Variants in ATP2C1 observed in about 807,000 individuals in gnomAD.
ATP2C1 encodes calcium-transporting ATPase type 2C member 1.
In ATP2C1, 31 loss-of-function variants were observed where a neutral mutation model predicts 120.5. The ratio of observed to expected loss-of-function variants is 0.26; its 90% CI spans 0.19 to 0.35. ATP2C1 has a LOEUF of 0.35. Ranked by LOEUF, ATP2C1 falls within the 10% of genes least tolerant of loss-of-function variation. The pLI, the probability that ATP2C1 is intolerant of heterozygous loss-of-function variation, is 1.00. For synonymous variants in ATP2C1, 351 were observed against 358.7 expected, an observed-to-expected ratio of 0.98 and a Z score of 0.24; for missense variants, 731 against 1,107.5, an observed-to-expected ratio of 0.66 and a Z score of 4.83.
Position 130,996,800 on chromosome 3 carries a change from C to A in ATP2C1, c.2243+4C>A, listed in dbSNP as rs771509642. ...TGGATGGACCCCCAGCTCAGAGGTACGAGTTTTTTAATTGCATGAGCTGGA... is the reference window on the plus strand; with the variant it reads ...TGGATGGACCCCCAGCTCAGAGGTAAGAGTTTTTTAATTGCATGAGCTGGA... On this transcript the variant is annotated splice_donor_region_variant and intron_variant, in intron 24 of 27. Coordinates refer to ENST00000510168, the MANE Select transcript of ATP2C1 (RefSeq NM_001378687.1). 6.4e-7 allele frequency: 1 copy of A among 1,572,378 alleles called. No homozygotes were observed. The highest frequency in any genetic ancestry group is 1.7e-5 in the Admixed American group (1 of 59,936).
chr3:130,870,147 T>C (rs1384797433), intron 1 of ATP2C1, among the ~76,000 whole-genome samples: 2 of 152,192 alleles, frequency 1.3e-5, no homozygotes, highest in African/African-American at 4.8e-5. Flanking sequence ...TTACTGAATA[T>C]TTTAAGCCCA....
At position 130,988,354 on chromosome 3, in the gene ATP2C1, G is replaced by A. The variant is rs530271494; in HGVS notation, c.1840-4597G>A. 3.1e-3 allele frequency among the ~76,000 whole-genome samples: 479 copies of A among 152,164 alleles called. 1 individual carries two copies. Among genetic ancestry groups the A allele is most frequent in the Non-Finnish European group, 4.8e-3 (328 of 68,014 alleles). ...TGACCACAAATGTGACACTGAAAAG[G>A]AGGACTCATAAGAAGAGAAAAATAC... On this transcript the variant is annotated intron_variant, in intron 20 of 27. Coordinates refer to ENST00000510168, the MANE Select transcript of ATP2C1 (RefSeq NM_001378687.1).
intron 21 of ATP2C1, among the ~76,000 whole-genome samples, 170 bp downstream of exon 21, chr3:130,993,171 AG>A (rs1577023607): frequency 6.6e-6 from 1 of 152,046 alleles, no homozygotes; most frequent in Non-Finnish European, 1.5e-5. Context: ...TAGAGAATTT[AG>A]TTGGCATAAG....
chr3:130,927,019 A>G (rs184174355), intron 2 of ATP2C1, among the ~76,000 whole-genome samples: 437 of 152,312 alleles, frequency 2.9e-3, no homozygotes, highest in Non-Finnish European at 4.6e-3. Flanking sequence ...TCTGCTTGCC[A>G]CATCAGATCC....
rs965008419 is a variant in ATP2C1 at position 130,949,605 on chromosome 3, AATGTAG to A, written c.532-4212_532-4207del. On this transcript the variant is annotated intron_variant, in intron 8 of 27. Transcript: ENST00000510168. The stretch of plus-strand genomic sequence containing the variant: ...GAAGGTGGTTGTACCGAACATTTTC[AATGTAG>A]ATGAAACAGCTGTATCTTCTGAATA... 2.6e-5 allele frequency among the ~76,000 whole-genome samples: 4 copies of A among 152,150 alleles called. No homozygotes were observed. The South Asian group carries it at 8.3e-4, about 31-fold the overall frequency.
At position 131,001,306 on chromosome 3, in the gene ATP2C1, C is replaced by T. The variant is rs1288807465; in HGVS notation, c.2716C>T (p.Gln906Ter). The change falls in exon 28 of 28, where the codon CAG becomes TAG. Residue 906 changes from glutamine to a stop codon, truncating the protein, a stop_gained. Transcript: ENST00000510168. LOFTEE classifies it high-confidence loss of function. ...KKVERSREKI[Q>*]KHVSSTSSSF... ...GGTTGAAAGGAGCAGGGAAAAGATCCAGAAGCATGTTAGTTCGACATCATC... is the reference window on the plus strand; with the variant it reads ...GGTTGAAAGGAGCAGGGAAAAGATCTAGAAGCATGTTAGTTCGACATCATC... 3.1e-6 allele frequency: 5 copies of T among 1,613,514 alleles called. No homozygotes were observed. The highest frequency in any genetic ancestry group is 4.2e-6 in the Non-Finnish European group (5 of 1,179,648).
intron 1 of ATP2C1, chr3:130,856,217 C>A (rs1204158340): frequency 6.6e-6 from 1 of 151,930 alleles, no homozygotes; most frequent in Non-Finnish European, 1.5e-5. Context: ...AATTTTTTTT[C>A]TTTGCTGCTC....
chr3:131,014,384 C>A (rs746780624), intron 26 of ATP2C1: 6 of 1,576,522 alleles, frequency 3.8e-6, no homozygotes, highest in Non-Finnish European at 5.1e-6. Context: ...TTCCACTGTA[C>A]AGTCTGTTCA....
intron 17 of ATP2C1, among the ~76,000 whole-genome samples, chr3:130,973,949 GA>G (rs1169737735): frequency 2.0e-5 from 3 of 152,134 alleles, no homozygotes; most frequent in Admixed American, 2.0e-4. Context: ...AGACTTAAAA[GA>G]CTTAAAATTC....
chr3:130,891,206 G>T (rs1449098581), upstream of ATP2C1, among the ~76,000 whole-genome samples: 17 of 152,116 alleles, frequency 1.1e-4, no homozygotes, highest in Admixed American at 1.0e-3. Flanking sequence ...TTTAAAAGAA[G>T]ACATTAATTA....
intron 20 of ATP2C1, among the ~76,000 whole-genome samples, chr3:130,985,749 G>A (rs2061979311): frequency 6.6e-6 from 1 of 151,168 alleles, no homozygotes; most frequent in Non-Finnish European, 1.5e-5. Context: ...ATGATGGACA[G>A]TTGCATGGAG....
chr3:131,002,972 C>G lies in ATP2C1; in HGVS notation c.*1622C>G, dbSNP rs1025019963. ...AACTCTATCATTAGTGACTTGATGT[C>G]TCATACCTTAATTTTGTAATGATTT... On this transcript the variant is annotated 3_prime_UTR_variant, in exon 28 of 28. Transcript: ENST00000510168. 1.0e-6 allele frequency: 1 copy of G among 985,436 alleles called. No individual in the cohort carries two copies. Among genetic ancestry groups the G allele is most frequent in the Non-Finnish European group, 1.2e-6 (1 of 829,700 alleles). 61.0% of individuals were successfully genotyped at this position (985,436 alleles called of 1,614,324 possible).
Position 130,967,157 on chromosome 3 carries a change from G to A in ATP2C1, c.1135G>A (p.Gly379Ser). Residue 379 changes from glycine to serine, a missense_variant, in exon 15 of 28, where the codon GGC becomes AGC. Transcript: ENST00000510168. ...DGLHAEVTGV[G>S]YNQFGEVIVD... ...TTGTGATCTTTAGGTTACTGGAGTT[G>A]GCTATAATCAATTTGGGGAAGTGAT... 6.2e-7 allele frequency: 1 copy of A among 1,612,946 alleles called. No individual in the cohort carries two copies. Among genetic ancestry groups the A allele is most frequent in the East Asian group, 2.2e-5 (1 of 44,846 alleles).
intron 1 of ATP2C1, among the ~76,000 whole-genome samples, chr3:130,862,012 C>T (rs779200794): frequency 4.1e-4 from 63 of 152,018 alleles, no homozygotes; most frequent in Non-Finnish European, 8.1e-4. Flanking sequence ...TTCGCTCTGT[C>T]GCCCAGGCTG....
intron 8 of ATP2C1, among the ~76,000 whole-genome samples, chr3:130,944,074 T>C (rs948250651): frequency 6.6e-6 from 1 of 152,222 alleles, no homozygotes; most frequent in Non-Finnish European, 1.5e-5. Flanking sequence ...ATATCACTAA[T>C]TTCTTCCAAA....
intron 1 of ATP2C1, among the ~76,000 whole-genome samples, chr3:130,885,248 C>G (rs888692196): frequency 1.3e-5 from 2 of 152,128 alleles, no homozygotes; most frequent in Non-Finnish European, 2.9e-5. Flanking sequence ...AAGTGTGTTT[C>G]TTATAGGTGA....
At chr3:130,874,255 A>G (rs1008806475) in intron 1 of ATP2C1, among the ~76,000 whole-genome samples, 8 of 152,234 alleles carry the variant, frequency 5.3e-5, no homozygotes, top group Non-Finnish European at 1.0e-4. Flanking sequence ...AATATTTCTA[A>G]TGAGTGATAA....
chr3:131,016,578 A>C, exon 27 of ATP2C1: 1 of 539,354 alleles, frequency 1.9e-6, no homozygotes, highest in Non-Finnish European at 3.3e-6. Context: ...TCCCTGAAAT[A>C]AGATCTTTTC....
chr3:130,884,774 T>C (rs535007665), intron 1 of ATP2C1, among the ~76,000 whole-genome samples: 17 of 152,218 alleles, frequency 1.1e-4, no homozygotes, highest in Non-Finnish European at 2.1e-4. Context: ...TCTCTTCTTA[T>C]AGTTTTTGTC....
Sources: gnomAD v4.1 joint callset for allele counts (sites outside exome capture counted in the v4.1 genomes callset) on GRCh38, gnomAD v4.1.1 for gene constraint, MANE v1.5 for transcripts, NCBI Gene and HGNC (gene_info 2026-07-23, HGNC 2026-07-21) for gene names.